LTBP1: variants seen among roughly 807,000 people sequenced by gnomAD.
LTBP1 encodes the protein latent-transforming growth factor beta-binding protein 1.
Under a neutral mutation model 207.6 loss-of-function variants are expected in LTBP1, and 129 were observed. The ratio of observed to expected loss-of-function variants is 0.62; its 90% CI spans 0.54 to 0.72. The LOEUF is 0.72. Ranked by LOEUF, LTBP1 falls within the 30% of genes least tolerant of loss-of-function variation. The probability of loss-of-function intolerance (pLI) is 0.00; values close to 1 mark genes in which losing one functional copy is unlikely to be tolerated. For synonymous variants in LTBP1, 963 were observed against 833.7 expected (o/e 1.16, Z -2.67); for missense variants, 2,281 against 2,217.2 (o/e 1.03, Z -0.58).
chr2:33,132,810 T>TA (rs1403598211), intron 4 of LTBP1, among the ~76,000 whole-genome samples: 1 of 152,228 alleles, frequency 6.6e-6, no homozygotes, highest in African/African-American at 2.4e-5. Flanking sequence ...CCAACCCAGC[T>TA]GATGGGTTCA....
chr2:33,126,733 G>A (rs1315146911), intron 4 of LTBP1, among the ~76,000 whole-genome samples: 1 of 152,128 alleles, frequency 6.6e-6, no homozygotes. Context: ...CTAATGATGA[G>A]ATCTATTGAG....
intron 5 of LTBP1, among the ~76,000 whole-genome samples, chr2:33,166,067 G>GTTTTTTTTTTT (rs143905437): frequency 1.4e-5 from 2 of 140,844 alleles, no homozygotes; most frequent in Non-Finnish European, 3.1e-5. Context: ...AGTAATGTAT[G>GTTTTTTTTTTT]TTTTTTTTTT....
At chr2:33,022,966 G>A (rs219202) in intron 3 of LTBP1, among the ~76,000 whole-genome samples, 71,228 of 151,990 alleles carry the variant, frequency 0.47, 19,137 homozygotes, top group East Asian at 0.72. Flanking sequence ...AGGAAAGCAG[G>A]CTGTGGGCTG....
chr2:33,204,730 C>T (rs2089696836), intron 7 of LTBP1, among the ~76,000 whole-genome samples: 2 of 152,282 alleles, frequency 1.3e-5, no homozygotes, highest in Non-Finnish European at 2.9e-5. Context: ...TAGGTGTGTG[C>T]CACCATACCT....
At chr2:33,236,460 C>G (rs571353372) in intron 9 of LTBP1, among the ~76,000 whole-genome samples, 1 of 152,190 alleles carries the variant, frequency 6.6e-6, no homozygotes, top group Non-Finnish European at 1.5e-5. Flanking sequence ...CCTGAGCACC[C>G]TATTTCAGCA....
chr2:33,286,948 G>A (rs1444598598), intron 19 of LTBP1, among the ~76,000 whole-genome samples: 5 of 152,118 alleles, frequency 3.3e-5, no homozygotes, highest in African/African-American at 1.2e-4. Context: ...AGGGGAGGGG[G>A]AAGAGATAGC....
At chr2:32,961,535 C>G (rs12466956) in intron 2 of LTBP1, among the ~76,000 whole-genome samples, 27,021 of 151,696 alleles carry the variant, frequency 0.18, 2,593 homozygotes, top group East Asian at 0.29. Context: ...TTTGTATGCT[C>G]TTCTGAGGTT....
chr2:33,042,334 G>A (rs971635429), intron 3 of LTBP1, among the ~76,000 whole-genome samples: 1 of 152,200 alleles, frequency 6.6e-6, no homozygotes, highest in Non-Finnish European at 1.5e-5. Context: ...GTGGTTGCCA[G>A]GGAAAACTAA....
At chr2:33,365,094 C>A (rs1030959544) in intron 30 of LTBP1, among the ~76,000 whole-genome samples, 1 of 152,124 alleles carries the variant, frequency 6.6e-6, no homozygotes, top group African/African-American at 2.4e-5. Context: ...AAGTAGGAAG[C>A]TATAGAGAAC....
chr2:33,348,302 C>G (rs1182299570), intron 26 of LTBP1, among the ~76,000 whole-genome samples: 3 of 152,158 alleles, frequency 2.0e-5, no homozygotes, highest in Admixed American at 1.3e-4. Flanking sequence ...AAATAGCTAT[C>G]TTTGCAAGTA....
chr2:33,252,298 G>C (rs1209047372), intron 10 of LTBP1, among the ~76,000 whole-genome samples: 1 of 152,218 alleles, frequency 6.6e-6, no homozygotes, highest in Admixed American at 6.5e-5. Context: ...TGCTGCCCTA[G>C]AGTTATCTCT....
chr2:33,025,511 G>A (rs2075374785), intron 3 of LTBP1, among the ~76,000 whole-genome samples: 1 of 152,122 alleles, frequency 6.6e-6, no homozygotes, highest in Non-Finnish European at 1.5e-5. Context: ...ACCAATCACA[G>A]TATTTTGATT....
intron 2 of LTBP1, among the ~76,000 whole-genome samples, chr2:33,004,430 G>A (rs927326808): frequency 6.6e-6 from 1 of 151,864 alleles, no homozygotes; most frequent in African/African-American, 2.4e-5. Flanking sequence ...GCTTTATTGA[G>A]ATATAATCCA....
At chr2:32,978,054 T>G (rs1477929576) in intron 2 of LTBP1, among the ~76,000 whole-genome samples, 1 of 152,228 alleles carries the variant, frequency 6.6e-6, no homozygotes, top group Non-Finnish European at 1.5e-5. Context: ...GATTTCCATA[T>G]GTTGATTTTT....
chr2:33,311,011 C>G (rs572898358), intron 23 of LTBP1, among the ~76,000 whole-genome samples: 1 of 152,270 alleles, frequency 6.6e-6, no homozygotes, highest in South Asian at 2.1e-4. Flanking sequence ...TTTTTACCCA[C>G]TATTACTGAA....
rs142670219 is a variant in LTBP1, at chr2:33,342,909, C to T, written c.3802C>T (p.Arg1268Cys). ...GFCDNTAGSFRCLCYQGFQAP... is the reference protein window; with the variant it reads ...GFCDNTAGSFCCLCYQGFQAP... The stretch of plus-strand genomic sequence containing the variant: ...TTGTGACAATACAGCTGGCTCCTTC[C>T]GCTGCCTCTGTTATCAGGGCTTTCA... The change falls in exon 25 of 34, where the codon CGC becomes TGC. Residue 1268 changes from arginine to cysteine, a missense_variant. By Grantham distance (180) the Arg-to-Cys change is radical (BLOSUM62 -3). Coordinates refer to ENST00000404816, the MANE Select transcript of LTBP1 (RefSeq NM_206943.4). The T allele has an allele frequency of 8.7e-6, 14 of 1,613,994 alleles. No homozygotes were observed. Among genetic ancestry groups the T allele is most frequent in the African/African-American group, 5.3e-5 (4 of 75,038 alleles).
chr2:33,225,615 C>T (rs544276605), intron 9 of LTBP1, among the ~76,000 whole-genome samples: 1 of 152,176 alleles, frequency 6.6e-6, no homozygotes. Context: ...TTCATTACCT[C>T]CTACCAGGTC....
Position 33,359,698 on chromosome 2 carries a change from A to G in LTBP1, c.4001-899A>G, listed in dbSNP as rs2094904702. Among the ~76,000 whole-genome samples, 3 of 152,240 alleles carry G rather than the reference A, an allele frequency of 2.0e-5. No homozygotes were observed. The South Asian group carries it at 6.2e-4, about 31-fold the overall frequency. The stretch of plus-strand genomic sequence containing the variant: ...ACAGTTAATACATTCAAACTGGATC[A>G]TAGGCAGTAATTTGAACTCCATAGT... On this transcript the variant is annotated intron_variant, in intron 26 of 33. Coordinates refer to ENST00000404816, the MANE Select transcript of LTBP1 (RefSeq NM_206943.4).
In LTBP1 at chr2:33,274,173, G is replaced by A. The variant is rs984183837; in HGVS notation, c.2743+392G>A. Among the ~76,000 whole-genome samples the A allele has an allele frequency of 4.0e-5, 6 of 151,572 alleles. No homozygotes were observed. In the South Asian group the frequency reaches 1.2e-3, roughly 32 times the overall value. On this transcript the variant is annotated intron_variant, in intron 16 of 33. Transcript: ENST00000404816. ...GTACATAAGACTTGATTTTTTTAAA[G>A]GGATTTTAAAATTGAAAATCCATAT...
Sources: gnomAD v4.1 joint callset for allele counts (sites outside exome capture counted in the v4.1 genomes callset) on GRCh38, gnomAD v4.1.1 for gene constraint, MANE v1.5 for transcripts, NCBI Gene and HGNC (gene_info 2026-07-23, HGNC 2026-07-21) for gene names.